The following GET3 variants were observed in gnomAD, a reference collection of about 807,000 sequenced individuals.
GET3 encodes guided entry of tail-anchored proteins factor 3, ATPase, also known as ATPase GET3.
In GET3, 15 loss-of-function variants were observed where a neutral mutation model predicts 32.4. That is an observed-to-expected ratio of 0.46 (90% CI 0.31 to 0.71). The LOEUF (loss-of-function observed/expected upper bound fraction) is 0.71, where lower values mean the gene tolerates loss of function less well. GET3 is among the 30% of genes least tolerant of loss of function. The probability of loss-of-function intolerance (pLI) is 0.05; values close to 1 mark genes in which losing one functional copy is unlikely to be tolerated. For synonymous variants in GET3, 198 were observed against 185.6 expected (o/e 1.07, Z -0.54); for missense variants, 333 against 459.0 (o/e 0.73, Z 2.51).
At chr19:12,744,603 A>T (rs1031147183) in intron 2 of GET3, among the ~76,000 whole-genome samples, 8 of 152,278 alleles carry the variant, frequency 5.3e-5, no homozygotes, top group African/African-American at 1.4e-4. Context: ...TACAGGCATG[A>T]GGTACCGCGC....
At position 12,747,905 on chromosome 19, in the gene GET3, T is replaced by G; in HGVS notation, c.916-68T>G. 6.8e-7 allele frequency: 1 copy of G among 1,475,102 alleles called. No individual in the cohort carries two copies. The highest frequency in any genetic ancestry group is 9.2e-7 in the Non-Finnish European group (1 of 1,087,946). 91.4% of individuals were successfully genotyped at this position (1,475,102 alleles called of 1,614,324 possible). ...AGCTTTCTAGCTTTACCGCTTCTAT[T>G]GATCCACACTCTGTCTCTGCCTTCC... is the stretch of plus-strand genomic sequence containing the variant. On this transcript the variant is annotated intron_variant, in intron 6 of 6. Coordinates refer to ENST00000357332, the MANE Select transcript of GET3 (RefSeq NM_004317.4). The surrounding 1 kb of genome is among the most constrained non-coding windows in gnomAD (Gnocchi z 4.0).
chr19:12,737,520 G>A lies in GET3; in HGVS notation c.15G>A (p.Val5=), dbSNP rs1967592106. 6.4e-7 allele frequency: 1 copy of A among 1,561,830 alleles called. No homozygotes were observed. Among genetic ancestry groups the A allele is most frequent in the Non-Finnish European group, 8.7e-7 (1 of 1,156,066 alleles). The change falls in exon 1 of 7, where the codon GTG becomes GTA. Residue 5 remains valine, a synonymous_variant. Transcript: ENST00000357332. ...CCAGTTCCAAAATGGCGGCAGGGGT[G>A]GCCGGGTGGGGGGTTGAGGCAGAGG... is the stretch of plus-strand genomic sequence containing the variant. MAAG[V]AGWGVEAEEF...
chr19:12,746,991 C>A (rs1967783924), intron 4 of GET3, among the ~76,000 whole-genome samples: 1 of 142,410 alleles, frequency 7.0e-6, no homozygotes, highest in African/African-American at 2.7e-5. Context: ...GCCTGGGCAA[C>A]AGAGTGAGAC....
At chr19:12,744,601 T>C (rs909579655) in intron 2 of GET3, among the ~76,000 whole-genome samples, 1 of 152,170 alleles carries the variant, frequency 6.6e-6, no homozygotes, top group Non-Finnish European at 1.5e-5. Flanking sequence ...ATTACAGGCA[T>C]GAGGTACCGC....
intron 1 of GET3, 28 bp downstream of exon 1, chr19:12,737,694 G>A (rs1299993952): frequency 6.3e-7 from 1 of 1,599,878 alleles, no homozygotes; most frequent in Admixed American, 1.7e-5. Flanking sequence ...GGGGCCAGGA[G>A]GCGTGTAGGA....
intron 2 of GET3, among the ~76,000 whole-genome samples, chr19:12,744,043 CAAAAAAAAA>C (rs753666928): frequency 6.3e-5 from 3 of 47,808 alleles, no homozygotes; most frequent in Non-Finnish European, 8.9e-5. Flanking sequence ...GACTCCATCT[CAAAAAAAAA>C]AAAAAAAAAA....
intron 2 of GET3, among the ~76,000 whole-genome samples, chr19:12,741,304 A>C (rs1417716270): frequency 6.6e-6 from 1 of 151,812 alleles, no homozygotes; most frequent in Non-Finnish European, 1.5e-5. Flanking sequence ...AAAATACAAA[A>C]AGTTAGCCGG....
intron 2 of GET3, among the ~76,000 whole-genome samples, chr19:12,742,603 A>G (rs1967691495): frequency 6.6e-6 from 1 of 151,934 alleles, no homozygotes; most frequent in South Asian, 2.1e-4. Context: ...TTTAGTAGAG[A>G]CGGGGTTTCA....
At chr19:12,741,253 G>A (rs1186555987) in intron 2 of GET3, among the ~76,000 whole-genome samples, 1 of 149,982 alleles carries the variant, frequency 6.7e-6, no homozygotes, top group East Asian at 2.0e-4. Flanking sequence ...TCAGGAGATT[G>A]AGACCAGCCT....
intron 1 of GET3, among the ~76,000 whole-genome samples, chr19:12,738,066 A>G (rs1199506932): frequency 6.6e-6 from 1 of 152,102 alleles, no homozygotes; most frequent in Non-Finnish European, 1.5e-5. Flanking sequence ...GGGAGAGAGC[A>G]CGTGATGAGA....
At chr19:12,740,856 G>C (rs1474872237) in intron 2 of GET3, among the ~76,000 whole-genome samples, 1 of 152,124 alleles carries the variant, frequency 6.6e-6, no homozygotes, top group Non-Finnish European at 1.5e-5. Context: ...GCAGAGATGA[G>C]GGTGTTGGCA....
Position 12,747,229 on chromosome 19 carries a change from C to T in GET3, c.642C>T (p.Asn214=), listed in dbSNP as rs147651688. 29 of 1,611,164 alleles carry T rather than the reference C, an allele frequency of 1.8e-5. No individual in the cohort carries two copies. Among genetic ancestry groups the T allele is most frequent in the African/African-American group, 6.7e-5 (5 of 74,940 alleles). The part of the protein sequence containing the change: ...MCNMLGLGDM[N]ADQLASKLEE... ...ACATGCTGGGCCTGGGGGACATGAA[C>T]GCAGACCAGCTGGCCTCCAAGCTGG... is the stretch of plus-strand genomic sequence containing the variant. Residue 214 remains asparagine (N), a synonymous_variant, in exon 5 of 7, where the codon AAC becomes AAT. Coordinates refer to ENST00000357332, the MANE Select transcript of GET3 (RefSeq NM_004317.4). The surrounding 1 kb of genome is among the most constrained non-coding windows in gnomAD (Gnocchi z 4.0).
intron 2 of GET3, among the ~76,000 whole-genome samples, chr19:12,741,998 G>T (rs1008920510): frequency 2.6e-5 from 4 of 152,140 alleles, no homozygotes; most frequent in African/African-American, 7.2e-5. Context: ...GAGCTAGAAA[G>T]CCATACCTAT....
chr19:12,745,555 G>A lies in GET3; in HGVS notation c.458+30G>A. 2 of 1,612,610 alleles carry A rather than the reference G, an allele frequency of 1.2e-6. No individual in the cohort carries two copies. Among genetic ancestry groups the A allele is most frequent in the Non-Finnish European group, 1.7e-6 (2 of 1,179,998 alleles). ...GGCCCAGCCAGCAGGGGTGGGGGCT[G>A]CCTGGGGAAGGGGAAGAGCGGACAC... On this transcript the variant is annotated intron_variant, in intron 3 of 6. Transcript: ENST00000357332. The surrounding 1 kb of genome is among the most constrained non-coding windows in gnomAD (Gnocchi z 5.0).
Position 12,747,658 on chromosome 19 carries a change from G to A in GET3, c.915+66G>A. On this transcript the variant is annotated intron_variant, in intron 6 of 6. Coordinates refer to ENST00000357332, the MANE Select transcript of GET3 (RefSeq NM_004317.4). This position sits in a 1 kb window ranked among gnomAD's most constrained non-coding sequence, Gnocchi z 4.0. ...CTGCCCCTTTATTCTCTGATCTTTT[G>A]CTCCACCATCTGGCCCTCTGCCCTC... is the stretch of plus-strand genomic sequence containing the variant. The A allele has an allele frequency of 6.5e-7, 1 of 1,547,322 alleles. No homozygotes were observed. The highest frequency in any genetic ancestry group is 8.7e-7 in the Non-Finnish European group (1 of 1,143,116).
rs1468204959 is a variant in GET3, at chr19:12,748,017, GT to G, written c.962del (p.Leu321TyrfsTer84). On this transcript the variant is annotated frameshift_variant, in exon 7 of 7. Coordinates refer to ENST00000357332, the MANE Select transcript of GET3 (RefSeq NM_004317.4). LOFTEE classifies it high-confidence loss of function. ...ACTTCCACATCGTGAAGCTGCCGCT[GT>G]TACCCCATGAGGTGCGGGGGGCAGA... ...EDFHIVKLPL[L>X]PHEVRGADKV... 6.2e-6 allele frequency: 10 copies of G among 1,611,904 alleles called. No individual in the cohort carries two copies. Among genetic ancestry groups the G allele is most frequent in the African/African-American group, 1.3e-5 (1 of 74,884 alleles).
At chr19:12,743,516 C>T (rs1197734322) in intron 2 of GET3, among the ~76,000 whole-genome samples, 2 of 149,366 alleles carry the variant, frequency 1.3e-5, no homozygotes, top group South Asian at 2.1e-4. Context: ...CATGGCCAGG[C>T]GTGATGGCTC....
chr19:12,737,447 TTTCCCCTGTAGGTTCTTCGTA>T, upstream of GET3: 1 of 1,407,354 alleles, frequency 7.1e-7, no homozygotes, highest in Non-Finnish European at 9.3e-7. Flanking sequence ...TGATAGAGAA[TTTCCCCTGTAGGTTCTTCGTA>T]TGGTGCGCTC....
At position 12,748,086 on chromosome 19, in the gene GET3, GC is replaced by G; in HGVS notation, c.1035del (p.Ser346ValfsTer59). ...CGGCCCTCCTCCTGGAGCCCTACAA[GC>G]CCCCCAGTGCCCAGTAGCACAGCTG... Reference protein sequence around the residue: ...FSALLLEPYKPPSAQ With the variant: ...FSALLLEPYKXPSAQ On this transcript the variant is annotated frameshift_variant, in exon 7 of 7. Transcript: ENST00000357332. LOFTEE classifies it high-confidence loss of function. 3 of 1,598,988 alleles carry G rather than the reference GC, an allele frequency of 1.9e-6. No individual in the cohort carries two copies. The highest frequency in any genetic ancestry group is 2.6e-6 in the Non-Finnish European group (3 of 1,170,000).
Sources: gnomAD v4.1 joint callset for allele counts (sites outside exome capture counted in the v4.1 genomes callset) on GRCh38, gnomAD v4.1.1 for gene constraint, Gnocchi (gnomAD v3.1) non-coding constraint, MANE v1.5 for transcripts, NCBI Gene and HGNC (gene_info 2026-07-23, HGNC 2026-07-21) for gene names.